The following NELL1 variants were observed in gnomAD, a reference collection of about 807,000 sequenced individuals.
The protein encoded by NELL1 is neural EGFL like 1.
In NELL1, 76 loss-of-function variants were observed where a neutral mutation model predicts 107.4. The ratio of observed to expected loss-of-function variants is 0.71; its 90% CI spans 0.59 to 0.86. NELL1 has a LOEUF of 0.86. NELL1 is among the 40% of genes least tolerant of loss of function. NELL1 has a pLI of 0.00. For synonymous variants in NELL1, 353 were observed against 341.2 expected (o/e 1.03, Z -0.38); for missense variants, 1,024 against 1,005.5 (o/e 1.02, Z -0.25).
chr11:20,752,504 G>A (rs1856163777), intron 2 of NELL1, among the ~76,000 whole-genome samples: 2 of 152,126 alleles, frequency 1.3e-5, no homozygotes, highest in Non-Finnish European at 1.5e-5. Context: ...AGCCAGGATC[G>A]CACCATTGCA....
At chr11:20,776,398 C>G (rs1856750910) in intron 2 of NELL1, among the ~76,000 whole-genome samples, 2 of 151,972 alleles carry the variant, frequency 1.3e-5, no homozygotes, top group Non-Finnish European at 2.9e-5. Flanking sequence ...AAGATCACAC[C>G]ACGATCCAGC....
chr11:21,312,695 T>C (rs753445330), intron 14 of NELL1, among the ~76,000 whole-genome samples: 55 of 152,280 alleles, frequency 3.6e-4, no homozygotes, highest in Non-Finnish European at 6.9e-4. Context: ...TACATGTTCT[T>C]GCCCAGTACA....
At chr11:21,101,427 A>G (rs1369338106) in intron 12 of NELL1, among the ~76,000 whole-genome samples, 1 of 152,202 alleles carries the variant, frequency 6.6e-6, no homozygotes, top group Non-Finnish European at 1.5e-5. Flanking sequence ...GACTTCCACA[A>G]TGGTTGAACT....
intron 5 of NELL1, among the ~76,000 whole-genome samples, chr11:20,902,464 T>TAGC (rs1849897193): frequency 6.6e-6 from 1 of 152,088 alleles, no homozygotes; most frequent in Non-Finnish European, 1.5e-5. Context: ...TGAAAAACCA[T>TAGC]CTGACAATGC....
At chr11:20,719,690 A>G (rs1835814211) in intron 2 of NELL1, among the ~76,000 whole-genome samples, 1 of 152,140 alleles carries the variant, frequency 6.6e-6, no homozygotes, top group African/African-American at 2.4e-5. Context: ...TTACCCATAG[A>G]GGTTGGAAGC....
chr11:20,855,826 T>G (rs6483730), intron 4 of NELL1, among the ~76,000 whole-genome samples: 35,081 of 152,036 alleles, frequency 0.23, 4,730 homozygotes, highest in African/African-American at 0.36. Flanking sequence ...TTGGAAAAGA[T>G]CATTGGGGAT....
rs1346034706 is a variant in NELL1, at chr11:21,534,454, G to T, written c.1726G>T (p.Glu576Ter). 4 of 1,613,808 alleles carry T rather than the reference G, an allele frequency of 2.5e-6. No homozygotes were observed. Among genetic ancestry groups the T allele is most frequent in the Non-Finnish European group, 3.4e-6 (4 of 1,179,870 alleles). ...TAACCTGCCAGGGTGGTACCACTGT[G>T]AGTGCAGAAGCGGTTTCCATGACGA... ...CVNLPGWYHC[E>*]CRSGFHDDGT... The change falls in exon 16 of 20, where the codon GAG becomes TAG. Residue 576 changes from glutamate (E) to a stop codon, truncating the protein, a stop_gained. Transcript: ENST00000357134. LOFTEE classifies it high-confidence loss of function.
intron 2 of NELL1, among the ~76,000 whole-genome samples, chr11:20,689,117 A>T (rs1854383953): frequency 6.6e-6 from 1 of 151,696 alleles, no homozygotes; most frequent in South Asian, 2.1e-4. Context: ...ACTTTTTAAT[A>T]TTGTTATTTG....
At position 21,148,006 on chromosome 11, in the gene NELL1, G is replaced by C. The variant is rs144390448; in HGVS notation, c.1426+34292G>C. 3.9e-3 allele frequency among the ~76,000 whole-genome samples: 594 copies of C among 152,216 alleles called. 5 individuals are homozygous for C. Among genetic ancestry groups the C allele is most frequent in the African/African-American group, 0.014 (573 of 41,540 alleles). On this transcript the variant is annotated intron_variant, in intron 13 of 19. Coordinates refer to ENST00000357134, the MANE Select transcript of NELL1 (RefSeq NM_006157.5). ...TTCAAGTTAAGGCCTCTACTGACAA[G>C]GATTTATCCCTCTTGGGCCTCCCTG...
At chr11:21,540,014 G>T (rs150405310) in intron 16 of NELL1, among the ~76,000 whole-genome samples, 5 of 151,942 alleles carry the variant, frequency 3.3e-5, no homozygotes, top group Admixed American at 1.3e-4. Context: ...GACCTAGATT[G>T]ACACCATTTT....
At chr11:21,126,999 G>T (rs1220419071) in intron 13 of NELL1, among the ~76,000 whole-genome samples, 1 of 152,168 alleles carries the variant, frequency 6.6e-6, no homozygotes, top group Non-Finnish European at 1.5e-5. Context: ...ATTTAACTTT[G>T]TTCCCTGAGA....
chr11:21,264,612 C>A (rs1316948879), intron 14 of NELL1, among the ~76,000 whole-genome samples: 1 of 151,938 alleles, frequency 6.6e-6, no homozygotes. Context: ...AATAACCTTA[C>A]TATAGGAATT....
intron 3 of NELL1, among the ~76,000 whole-genome samples, chr11:20,795,896 G>C (rs1180072771): frequency 6.6e-6 from 1 of 152,026 alleles, no homozygotes; most frequent in African/African-American, 2.4e-5. Flanking sequence ...TCATTTCCTG[G>C]ATCTATCAAT....
intron 7 of NELL1, among the ~76,000 whole-genome samples, chr11:20,922,777 G>A (rs1850408202): frequency 6.6e-6 from 1 of 151,968 alleles, no homozygotes; most frequent in Admixed American, 6.6e-5. Flanking sequence ...AATTTCCTTG[G>A]ATATTTATAG....
At position 21,573,426 on chromosome 11, in the gene NELL1, C is replaced by T. The variant is rs377483085; in HGVS notation, c.2382+17C>T. On this transcript the variant is annotated intron_variant, in intron 19 of 19. Coordinates refer to ENST00000357134, the MANE Select transcript of NELL1 (RefSeq NM_006157.5). ...AAATGCAAGGTAATTGGATGTTCTG[C>T]GGATATTGAAGCCTTGAACAATTGC... The T allele has an allele frequency of 1.6e-5, 25 of 1,603,346 alleles. No individual in the cohort carries two copies. The African/African-American group carries it at 2.0e-4, about 13-fold the overall frequency.
intron 3 of NELL1, among the ~76,000 whole-genome samples, chr11:20,800,154 C>T (rs959502720): frequency 1.3e-5 from 2 of 152,130 alleles, no homozygotes; most frequent in African/African-American, 4.8e-5. Context: ...TTGTGAATGG[C>T]ACTGTGATGA....
chr11:21,047,933 C>T (rs954479955), intron 12 of NELL1, among the ~76,000 whole-genome samples: 15 of 152,298 alleles, frequency 9.8e-5, no homozygotes, highest in African/African-American at 2.9e-4. Context: ...CAGCGCATCA[C>T]GTAGAAGGTG....
intron 12 of NELL1, among the ~76,000 whole-genome samples, chr11:21,044,183 G>A (rs1054729798): frequency 2.0e-5 from 3 of 152,180 alleles, no homozygotes; most frequent in African/African-American, 4.8e-5. Context: ...CAGGGTGATA[G>A]AAGGTGCCTT....
intron 4 of NELL1, among the ~76,000 whole-genome samples, chr11:20,849,575 G>C (rs1171910983): frequency 6.6e-6 from 1 of 152,092 alleles, no homozygotes; most frequent in Non-Finnish European, 1.5e-5. Flanking sequence ...AATTGACTGA[G>C]GGTATTCCAA....
Sources: allele counts gnomAD v4.1 joint callset (sites outside exome capture counted in the v4.1 genomes callset), GRCh38; gene constraint gnomAD v4.1.1; transcripts MANE v1.5; gene names NCBI Gene and HGNC (gene_info 2026-07-23, HGNC 2026-07-21).